The following ANO4 variants were observed in gnomAD, a reference collection of about 807,000 sequenced individuals.
ANO4 encodes anoctamin-4.
ANO4 carries 69 observed loss-of-function variants against 141.9 expected under a neutral mutation model. The observed-to-expected ratio is 0.49, with a 90% CI of 0.40 to 0.59. The LOEUF (loss-of-function observed/expected upper bound fraction) is 0.59, where lower values mean the gene tolerates loss of function less well. Ranked by LOEUF, ANO4 falls within the 20% of genes least tolerant of loss-of-function variation. The pLI is 0.00. For missense variants in ANO4, 894 were observed against 1,162.2 expected, an observed-to-expected ratio of 0.77 and a Z score of 3.36; for synonymous variants, 350 against 394.3, an observed-to-expected ratio of 0.89 and a Z score of 1.33.
Position 100,760,676 on chromosome 12 carries a change from T to C in ANO4, c.358+20571T>C, listed in dbSNP as rs147077766. Among the ~76,000 whole-genome samples the C allele has an allele frequency of 2.5e-3, 379 of 152,300 alleles. 2 individuals carry two copies. The highest frequency in any genetic ancestry group is 8.5e-3 in the African/African-American group (355 of 41,566). ...GTCTTGTAAAACGTTCAGGTAGATA[T>C]CACTTTATCACTCAGAACTTCGTTT... On this transcript the variant is annotated intron_variant, in intron 3 of 29. Transcript: ENST00000644049.
At chr12:100,842,779 T>G (rs753915146) in intron 1 of ANO4, among the ~76,000 whole-genome samples, 20 of 152,064 alleles carry the variant, frequency 1.3e-4, no homozygotes, top group Non-Finnish European at 2.4e-4. Flanking sequence ...CTCGATCCCT[T>G]TAGCCCTTTT....
chr12:100,757,182 C>T (rs2032649012), intron 3 of ANO4, among the ~76,000 whole-genome samples: 1 of 152,182 alleles, frequency 6.6e-6, no homozygotes, highest in Non-Finnish European at 1.5e-5. Flanking sequence ...TGCCCTGCTC[C>T]TCACATCCAG....
In ANO4 at chr12:101,103,179, CATTTTATATATATATATATAT is replaced by C. The variant is rs1277320297; in HGVS notation, c.2149+3462_2149+3482del. On this transcript the variant is annotated intron_variant, in intron 22 of 27. Coordinates refer to ENST00000392977, the MANE Select transcript of ANO4 (RefSeq NM_001286615.2). ...ATAACTTTACATTTTCCTTTTTAGT[CATTTTATATATATATATATAT>C]ATATATATATATATATATATATATA... is the stretch of plus-strand genomic sequence containing the variant. 8.3e-4 allele frequency among the ~76,000 whole-genome samples: 58 copies of C among 70,272 alleles called. 1 individual carries two copies. Among genetic ancestry groups the C allele is most frequent in the African/African-American group, 3.6e-3 (54 of 14,808 alleles). The allele number at this position is 70,272 out of a possible 152,430, so 46.1% of individuals were successfully genotyped here.
intron 3 of ANO4, among the ~76,000 whole-genome samples, chr12:100,742,702 A>G (rs1420543759): frequency 6.6e-6 from 1 of 152,216 alleles, no homozygotes; most frequent in African/African-American, 2.4e-5. Flanking sequence ...AAATCCCACC[A>G]TTCTGCAGTC....
chr12:100,729,476 A>C (rs2031296215), intron 1 of ANO4, among the ~76,000 whole-genome samples: 1 of 151,598 alleles, frequency 6.6e-6, no homozygotes, highest in South Asian at 2.1e-4. Flanking sequence ...TGCTCATATA[A>C]TGTTATAATA....
chr12:100,948,826 G>A (rs1052406911), intron 5 of ANO4, among the ~76,000 whole-genome samples: 1 of 152,120 alleles, frequency 6.6e-6, no homozygotes, highest in African/African-American at 2.4e-5. Context: ...TTAACCAATA[G>A]AATATGGCTT....
intron 3 of ANO4, among the ~76,000 whole-genome samples, chr12:100,935,303 G>C (rs1263207993): frequency 6.6e-6 from 1 of 152,120 alleles, no homozygotes; most frequent in Non-Finnish European, 1.5e-5. Flanking sequence ...TAGCATGAAG[G>C]GCTGTTGAAT....
intron 1 of ANO4, among the ~76,000 whole-genome samples, chr12:100,867,272 A>T (rs1169473364): frequency 6.6e-6 from 1 of 152,134 alleles, no homozygotes; most frequent in Non-Finnish European, 1.5e-5. Flanking sequence ...TTCTCCAGAG[A>T]ACCAGAATCA....
intron 1 of ANO4, among the ~76,000 whole-genome samples, chr12:100,882,920 T>C (rs1160036428): frequency 6.6e-6 from 1 of 152,070 alleles, no homozygotes; most frequent in East Asian, 1.9e-4. Context: ...AGGCTGGTCT[T>C]GAACTCCTGA....
At chr12:100,846,879 T>C (rs1295243048) in intron 1 of ANO4, among the ~76,000 whole-genome samples, 2 of 152,160 alleles carry the variant, frequency 1.3e-5, no homozygotes, top group African/African-American at 4.8e-5. Flanking sequence ...GTCTATCTTA[T>C]TCCCTTCCTA....
chr12:100,912,016 A>G (rs1216584444), intron 2 of ANO4, among the ~76,000 whole-genome samples: 2 of 152,134 alleles, frequency 1.3e-5, no homozygotes, highest in Non-Finnish European at 2.9e-5. Context: ...AATTATGCCT[A>G]TTTTACTATG....
At chr12:100,724,959 T>C (rs911189272) in intron 1 of ANO4, among the ~76,000 whole-genome samples, 2 of 152,184 alleles carry the variant, frequency 1.3e-5, no homozygotes, top group Non-Finnish European at 2.9e-5. Flanking sequence ...TATAAACAAT[T>C]TAGATTGCTT....
chr12:101,049,485 ATT>A lies in ANO4; in HGVS notation c.1312+1097_1312+1098del, dbSNP rs61274909. 1.9e-3 allele frequency among the ~76,000 whole-genome samples: 276 copies of A among 142,098 alleles called. 1 individual carries two copies. The highest frequency in any genetic ancestry group is 5.8e-3 in the African/African-American group (227 of 39,348). 93.2% of individuals were successfully genotyped at this position (142,098 alleles called of 152,430 possible). A position where few individuals can be genotyped will look rare whatever the true frequency, so the allele number is the denominator to read the frequency against. On this transcript the variant is annotated intron_variant, in intron 14 of 27. Transcript: ENST00000392977. ...CCATTATGATTATCAGAGATCTCAT[ATT>A]TTTTTTTTTTTTGAGATAGATGGAA...
At chr12:101,100,035 T>C (rs1466449646) in intron 22 of ANO4, among the ~76,000 whole-genome samples, 1 of 152,216 alleles carries the variant, frequency 6.6e-6, no homozygotes, top group South Asian at 2.1e-4. Context: ...AATCTCTCTT[T>C]GTCTCAGTTT....
chr12:100,820,355 C>CAAAAAA (rs10713790), intron 1 of ANO4, among the ~76,000 whole-genome samples: 1 of 141,196 alleles, frequency 7.1e-6, no homozygotes, highest in Non-Finnish European at 1.5e-5. Context: ...GTCGGTTTCT[C>CAAAAAA]AAAAAAAAAA....
chr12:100,969,056 T>C (rs2043806559), intron 5 of ANO4, among the ~76,000 whole-genome samples: 1 of 152,218 alleles, frequency 6.6e-6, no homozygotes, highest in Non-Finnish European at 1.5e-5. Context: ...GACAGGCACC[T>C]CATTTGCAGT....
At chr12:100,903,983 C>T (rs2040720703) in intron 2 of ANO4, among the ~76,000 whole-genome samples, 1 of 152,162 alleles carries the variant, frequency 6.6e-6, no homozygotes, top group South Asian at 2.1e-4. Context: ...AACCTTTGCT[C>T]CTGCTGTTCT....
At chr12:101,104,564 C>G (rs925715313) in intron 22 of ANO4, among the ~76,000 whole-genome samples, 2 of 132,830 alleles carry the variant, frequency 1.5e-5, no homozygotes, top group African/African-American at 2.8e-5. Context: ...ATATTCTCTA[C>G]GTTATTTCAG....
intron 1 of ANO4, among the ~76,000 whole-genome samples, chr12:100,893,041 G>A (rs762774929): frequency 6.6e-6 from 1 of 152,048 alleles, no homozygotes; most frequent in Admixed American, 6.5e-5. Context: ...AGTGCAGTTG[G>A]GTAGGTCTTG....
Sources: gnomAD v4.1 joint callset for allele counts (sites outside exome capture counted in the v4.1 genomes callset) on GRCh38, gnomAD v4.1.1 for gene constraint, MANE v1.5 for transcripts, NCBI Gene and HGNC (gene_info 2026-07-23, HGNC 2026-07-21) for gene names.